PPP1R3A: variants seen among roughly 807,000 people sequenced by gnomAD.
The protein encoded by PPP1R3A is protein phosphatase 1 regulatory subunit 3A.
In PPP1R3A, 29 loss-of-function variants were observed where a neutral mutation model predicts 41.7. The observed-to-expected ratio is 0.70, with a 90% CI of 0.52 to 0.95. The LOEUF (loss-of-function observed/expected upper bound fraction) is 0.95. Among genes scored for constraint, PPP1R3A ranks in the 40% least tolerant of loss-of-function variants. The probability of loss-of-function intolerance (pLI) is 0.00; values close to 1 mark genes in which losing one functional copy is unlikely to be tolerated. For missense variants in PPP1R3A, 1,352 were observed against 1,292.4 expected (o/e 1.05, Z -0.71); for synonymous variants, 485 against 453.4 (o/e 1.07, Z -0.89).
intron 1 of PPP1R3A, among the ~76,000 whole-genome samples, chr7:113,904,567 G>A (rs557807783): frequency 6.6e-6 from 1 of 151,712 alleles, no homozygotes; most frequent in South Asian, 2.1e-4. Flanking sequence ...ACCTGGTTTT[G>A]TAGCCAAGTT....
chr7:113,911,980 T>C (rs922312188), intron 1 of PPP1R3A, among the ~76,000 whole-genome samples: 1 of 152,126 alleles, frequency 6.6e-6, no homozygotes, highest in African/African-American at 2.4e-5. Context: ...CTCTGCCAAG[T>C]AGAAATTATT....
At chr7:113,882,928 C>T (rs1238286542) in intron 1 of PPP1R3A, among the ~76,000 whole-genome samples, 2 of 151,936 alleles carry the variant, frequency 1.3e-5, no homozygotes, top group South Asian at 2.1e-4. Context: ...ATATGTATTG[C>T]CACAGGCCAA....
intron 1 of PPP1R3A, among the ~76,000 whole-genome samples, chr7:113,901,379 T>A (rs1308286343): frequency 6.6e-6 from 1 of 151,776 alleles, no homozygotes; most frequent in African/African-American, 2.4e-5. Context: ...AATATATTGA[T>A]GAGTAGAAAA....
At chr7:113,915,499 C>G (rs1461222345) in intron 1 of PPP1R3A, among the ~76,000 whole-genome samples, 1 of 150,280 alleles carries the variant, frequency 6.7e-6, no homozygotes, top group Non-Finnish European at 1.5e-5. Context: ...TATTACTAAT[C>G]TATTTGCAGG....
chr7:113,892,331 A>G lies in PPP1R3A; in HGVS notation c.783-10011T>C, dbSNP rs551312341. 4.6e-5 allele frequency among the ~76,000 whole-genome samples: 7 copies of G among 152,186 alleles called. No individual in the cohort carries two copies. The East Asian group carries it at 1.4e-3, about 30-fold the overall frequency. Reference sequence around the variant, plus strand: ...GTGGACACATACAGAAATGTCGAACAGGTTTTCCAAGGGTAAATAATTATA... The same window carrying G: ...GTGGACACATACAGAAATGTCGAACGGGTTTTCCAAGGGTAAATAATTATA... On this transcript the variant is annotated intron_variant, in intron 1 of 3. Coordinates refer to ENST00000284601, the MANE Select transcript of PPP1R3A (RefSeq NM_002711.4).
At chr7:113,891,600 A>C (rs573738940) in intron 1 of PPP1R3A, among the ~76,000 whole-genome samples, 237 of 152,160 alleles carry the variant, frequency 1.6e-3, no homozygotes, top group South Asian at 2.9e-3. Flanking sequence ...TCTAAATACA[A>C]CGTACACTGG....
rs965940180 is a variant in PPP1R3A at position 113,882,388 on chromosome 7, G to A, written c.783-68C>T. ...GCATCTTCTAAGTATTTTTACACAG[G>A]GGGAAATTCAATCAGTAACAAGCCA... On this transcript the variant is annotated intron_variant, in intron 1 of 3. Transcript: ENST00000284601. 7 of 951,856 alleles carry A rather than the reference G, an allele frequency of 7.4e-6. No individual in the cohort carries two copies. In the East Asian group the frequency reaches 1.0e-4, roughly 14 times the overall value. 59.0% of individuals were successfully genotyped at this position (951,856 alleles called of 1,614,324 possible). A position where few individuals can be genotyped will look rare whatever the true frequency, so the allele number is the denominator to read the frequency against.
chr7:113,901,314 T>C (rs1160771799), intron 1 of PPP1R3A, among the ~76,000 whole-genome samples: 1 of 151,504 alleles, frequency 6.6e-6, no homozygotes, highest in East Asian at 1.9e-4. Flanking sequence ...ATAGACACCA[T>C]CCCCCTTCTA....
chr7:113,902,433 A>G (rs765373958), intron 1 of PPP1R3A, among the ~76,000 whole-genome samples: 6 of 151,878 alleles, frequency 4.0e-5, no homozygotes, highest in Admixed American at 6.6e-5. Flanking sequence ...CTAATTGTAC[A>G]CTACATCTCC....
At chr7:113,888,934 G>A (rs1019168527) in intron 1 of PPP1R3A, among the ~76,000 whole-genome samples, 4 of 152,100 alleles carry the variant, frequency 2.6e-5, no homozygotes, top group South Asian at 2.1e-4. Context: ...GCCCTGTTAC[G>A]TTGTCTCTCC....
intron 3 of PPP1R3A, among the ~76,000 whole-genome samples, chr7:113,881,808 T>A (rs949712905): frequency 1.3e-5 from 2 of 152,028 alleles, no homozygotes. Context: ...TCAGAGCCAC[T>A]GGTAAAGAGA....
Position 113,879,372 on chromosome 7 carries a change from T to C in PPP1R3A, c.1720A>G (p.Thr574Ala). ...GACACATCTGCTGTGATTGCCCGGG[T>C]GGGGATTGCGGTATGTTCGCTCAGC... ...TLLSEHTAIP[T>A]RAITADVSHS... is the part of the protein sequence containing the mutation. Residue 574 changes from threonine to alanine, a missense_variant, in exon 4 of 4, where the codon ACC becomes GCC. By Grantham distance (58) the Thr-to-Ala change is moderately conservative. Coordinates refer to ENST00000284601, the MANE Select transcript of PPP1R3A (RefSeq NM_002711.4). The C allele has an allele frequency of 6.2e-7, 1 of 1,613,586 alleles. No homozygotes were observed. Among genetic ancestry groups the C allele is most frequent in the Non-Finnish European group, 8.5e-7 (1 of 1,179,728 alleles).
chr7:113,910,631 T>C (rs1797229118), intron 1 of PPP1R3A, among the ~76,000 whole-genome samples: 1 of 152,118 alleles, frequency 6.6e-6, no homozygotes, highest in Non-Finnish European at 1.5e-5. Context: ...GTTGATAGAC[T>C]ATATTTTGTT....
chr7:113,902,985 C>A (rs572396272), intron 1 of PPP1R3A, among the ~76,000 whole-genome samples: 1 of 151,784 alleles, frequency 6.6e-6, no homozygotes, highest in African/African-American at 2.4e-5. Flanking sequence ...TACTTCCCAT[C>A]AATACCCAAG....
chr7:113,883,877 TA>T, intron 1 of PPP1R3A, among the ~76,000 whole-genome samples: 1 of 151,952 alleles, frequency 6.6e-6, no homozygotes, highest in East Asian at 1.9e-4. Flanking sequence ...ATTTAATTCT[TA>T]AAAAATGATC....
In PPP1R3A at chr7:113,878,426, G is replaced by C. The variant is rs1796610858; in HGVS notation, c.2666C>G (p.Ser889Ter). ...NRDLRQVQEL[S>*]KKTDSDAIVH... ...AATGGCATCCGAGTCTGTTTTCTTT[G>C]ATAATTCTTGAACCTGCCTAAGATC... is the stretch of plus-strand genomic sequence containing the variant. The change falls in exon 4 of 4, where the codon TCA becomes TGA. Residue 889 changes from serine to a stop codon, truncating the protein, a stop_gained. Transcript: ENST00000284601. LOFTEE classifies it low-confidence loss of function (END_TRUNC). The C allele has an allele frequency of 6.2e-7, 1 of 1,611,732 alleles. No homozygotes were observed. The highest frequency in any genetic ancestry group is 8.5e-7 in the Non-Finnish European group (1 of 1,179,646).
At position 113,879,540 on chromosome 7, in the gene PPP1R3A, C is replaced by T; in HGVS notation, c.1552G>A (p.Glu518Lys). The T allele has an allele frequency of 1.2e-6, 2 of 1,613,056 alleles. No individual in the cohort carries two copies. Among genetic ancestry groups the T allele is most frequent in the Non-Finnish European group, 1.7e-6 (2 of 1,179,494 alleles). Residue 518 changes from glutamate to lysine, a missense_variant, in exon 4 of 4, where the codon GAA becomes AAA. Coordinates refer to ENST00000284601, the MANE Select transcript of PPP1R3A (RefSeq NM_002711.4). Reference protein sequence around the residue: ...EDYYGNGKDDEEQRIYLGVNE... With the variant: ...EDYYGNGKDDKEQRIYLGVNE... ...ACACCTAAATATATTCTTTGTTCTT[C>T]ATCATCCTTACCATTGCCATAATAA...
intron 1 of PPP1R3A, among the ~76,000 whole-genome samples, chr7:113,887,537 T>C (rs1056982236): frequency 8.6e-5 from 13 of 152,026 alleles, no homozygotes; most frequent in African/African-American, 3.1e-4. Flanking sequence ...TAATAAACAA[T>C]GGGATATGAT....
chr7:113,884,162 C>T (rs529466589), intron 1 of PPP1R3A, among the ~76,000 whole-genome samples: 12 of 151,996 alleles, frequency 7.9e-5, no homozygotes, highest in African/African-American at 2.6e-4. Flanking sequence ...GATAAACATA[C>T]CATGTTCATA....
Sources: gnomAD v4.1 joint callset for allele counts (sites outside exome capture counted in the v4.1 genomes callset) on GRCh38, gnomAD v4.1.1 for gene constraint, MANE v1.5 for transcripts, NCBI Gene and HGNC (gene_info 2026-07-23, HGNC 2026-07-21) for gene names.